The following RBFOX1 variants were observed in gnomAD, a reference collection of about 807,000 sequenced individuals.
RBFOX1 encodes the protein RNA binding protein fox-1 homolog 1.
RBFOX1 carries 8 observed loss-of-function variants against 57.7 expected under a neutral mutation model. The ratio of observed to expected loss-of-function variants is 0.14; its 90% CI spans 0.08 to 0.25. RBFOX1 has a LOEUF of 0.25. Ranked by LOEUF, RBFOX1 falls within the 10% of genes least tolerant of loss-of-function variation. The probability of loss-of-function intolerance (pLI) is 1.00; values close to 1 mark genes in which losing one functional copy is unlikely to be tolerated. For synonymous variants in RBFOX1, 326 were observed against 222.4 expected (o/e 1.47, Z -4.15); for missense variants, 611 against 548.5 (o/e 1.11, Z -1.14).
chr16:7,524,142 TTA>T (rs1412800059), intron 5 of RBFOX1, among the ~76,000 whole-genome samples: 1 of 152,236 alleles, frequency 6.6e-6, no homozygotes, highest in Non-Finnish European at 1.5e-5. Context: ...GTAGAGGCCA[TTA>T]TTTCTTTGAG....
chr16:7,463,909 A>G (rs1439770323), intron 4 of RBFOX1, among the ~76,000 whole-genome samples: 1 of 152,204 alleles, frequency 6.6e-6, no homozygotes, highest in East Asian at 1.9e-4. Flanking sequence ...ACTATTATTC[A>G]TCTCATTTTA....
At chr16:6,230,037 C>T (rs1339490286) in intron 1 of RBFOX1, among the ~76,000 whole-genome samples, 1 of 151,854 alleles carries the variant, frequency 6.6e-6, no homozygotes, top group Non-Finnish European at 1.5e-5. Flanking sequence ...CCTTTTAAGT[C>T]AAGACTACAC....
chr16:6,734,099 T>G (rs916373630), intron 3 of RBFOX1, among the ~76,000 whole-genome samples: 3 of 152,208 alleles, frequency 2.0e-5, no homozygotes, highest in Admixed American at 1.3e-4. Context: ...ATTCCAGTCT[T>G]ATTACCAGAA....
intron 5 of RBFOX1, among the ~76,000 whole-genome samples, chr16:7,528,751 T>G (rs371231787): frequency 7.2e-4 from 110 of 152,322 alleles, no homozygotes; most frequent in African/African-American, 2.5e-3. Flanking sequence ...CCTTAATTCA[T>G]GGTCATATAG....
chr16:6,985,143 C>A (rs982113251), intron 3 of RBFOX1, among the ~76,000 whole-genome samples: 4 of 152,136 alleles, frequency 2.6e-5, no homozygotes, highest in Non-Finnish European at 4.4e-5. Flanking sequence ...CTACCCTCTT[C>A]TTTCCTCTGC....
chr16:7,454,649 G>A (rs778426878), intron 4 of RBFOX1, among the ~76,000 whole-genome samples: 3 of 152,204 alleles, frequency 2.0e-5, no homozygotes, highest in Non-Finnish European at 4.4e-5. Flanking sequence ...CTATCTACAG[G>A]ATAGCAAACA....
chr16:7,528,120 A>T (rs1396012293), intron 5 of RBFOX1, among the ~76,000 whole-genome samples: 4 of 152,212 alleles, frequency 2.6e-5, no homozygotes, highest in African/African-American at 9.6e-5. Context: ...ACCCAAGGAC[A>T]TCTTGCTTTT....
At chr16:6,292,463 A>G (rs946858966) in intron 1 of RBFOX1, among the ~76,000 whole-genome samples, 11 of 152,124 alleles carry the variant, frequency 7.2e-5, no homozygotes, top group Admixed American at 1.3e-4. Context: ...AAGTTCTTCA[A>G]TAATTCAGTG....
chr16:6,512,324 A>T (rs543157810), intron 2 of RBFOX1, among the ~76,000 whole-genome samples: 1 of 148,706 alleles, frequency 6.7e-6, no homozygotes, highest in African/African-American at 2.5e-5. Flanking sequence ...AGATTTATGC[A>T]TGTATTTAAT....
At chr16:5,963,934 C>T (rs2059798256) in intron 4 of RBFOX1, among the ~76,000 whole-genome samples, 1 of 151,980 alleles carries the variant, frequency 6.6e-6, no homozygotes, top group Non-Finnish European at 1.5e-5. Flanking sequence ...TTTTGCATAG[C>T]AAAGGAAACC....
chr16:7,311,534 A>C (rs1169328897), intron 4 of RBFOX1, among the ~76,000 whole-genome samples: 1 of 135,276 alleles, frequency 7.4e-6, no homozygotes, highest in Non-Finnish European at 1.5e-5. Flanking sequence ...CTCAATGACT[A>C]GATTCCCCTT....
chr16:7,034,223 G>A (rs2043611987), intron 3 of RBFOX1, among the ~76,000 whole-genome samples: 1 of 152,132 alleles, frequency 6.6e-6, no homozygotes, highest in South Asian at 2.1e-4. Context: ...ACCTTGTTTA[G>A]CCTCTCTCCA....
chr16:6,101,605 C>A (rs1567457577), intron 1 of RBFOX1, among the ~76,000 whole-genome samples: 1 of 152,084 alleles, frequency 6.6e-6, no homozygotes, highest in Non-Finnish European at 1.5e-5. Flanking sequence ...TCCTGCCTCA[C>A]CCTCCGGAGT....
chr16:6,436,454 G>C (rs2094236328), intron 2 of RBFOX1, among the ~76,000 whole-genome samples: 2 of 147,242 alleles, frequency 1.4e-5, no homozygotes, highest in South Asian at 4.3e-4. Flanking sequence ...CCAAATTGCA[G>C]TTGTTGTAAA....
chr16:7,709,657 G>T, intron 15 of RBFOX1: 1 of 1,521,860 alleles, frequency 6.6e-7, no homozygotes, highest in Non-Finnish European at 8.8e-7. Flanking sequence ...GGCACACTTT[G>T]TGTGTGTACC....
chr16:5,279,031 A>C (rs539301033), intron 1 of RBFOX1, among the ~76,000 whole-genome samples: 47 of 152,206 alleles, frequency 3.1e-4, no homozygotes, highest in South Asian at 6.2e-4. Flanking sequence ...TGAGGCTTCT[A>C]GCTTTGTTCT....
chr16:6,779,229 A>C (rs2079918751), intron 3 of RBFOX1, among the ~76,000 whole-genome samples: 1 of 151,976 alleles, frequency 6.6e-6, no homozygotes, highest in East Asian at 1.9e-4. Context: ...CATGAGATCA[A>C]TTTTTTTAGC....
chr16:6,215,968 T>C (rs1259783843), intron 1 of RBFOX1, among the ~76,000 whole-genome samples: 1 of 152,186 alleles, frequency 6.6e-6, no homozygotes, highest in Non-Finnish European at 1.5e-5. Context: ...AATGAGATCA[T>C]GTCCTTTGCA....
At chr16:6,249,772 C>T (rs372371668) in intron 1 of RBFOX1, among the ~76,000 whole-genome samples, 168 of 140,642 alleles carry the variant, frequency 1.2e-3, no homozygotes, top group Middle Eastern at 7.6e-3. Flanking sequence ...CATTTTTTTT[C>T]TTTTTTTTTT....
Sources: gnomAD v4.1 joint callset for allele counts (sites outside exome capture counted in the v4.1 genomes callset) on GRCh38, gnomAD v4.1.1 for gene constraint, MANE v1.5 for transcripts, NCBI Gene and HGNC (gene_info 2026-07-23, HGNC 2026-07-21) for gene names.